The following POLR3B variants were observed in gnomAD, a reference collection of about 807,000 sequenced individuals.
POLR3B encodes RNA polymerase III subunit B.
Under a neutral mutation model 147.4 loss-of-function variants are expected in POLR3B, and 96 were observed. The observed-to-expected ratio is 0.65, with a 90% CI of 0.55 to 0.77. POLR3B has a LOEUF of 0.77. POLR3B is among the 30% of genes least tolerant of loss of function. The pLI, the probability that POLR3B is intolerant of heterozygous loss-of-function variation, is 0.00. For missense variants in POLR3B, 1,036 were observed against 1,413.5 expected, an observed-to-expected ratio of 0.73 and a Z score of 4.28; for synonymous variants, 461 against 485.9, an observed-to-expected ratio of 0.95 and a Z score of 0.67.
At chr12:106,389,216 G>A (rs1203911960) in intron 9 of POLR3B, among the ~76,000 whole-genome samples, 2 of 152,200 alleles carry the variant, frequency 1.3e-5, no homozygotes, top group African/African-American at 2.4e-5. Context: ...CATAAAGTCA[G>A]TTCGGTCTTT....
rs1165956966 is a variant in POLR3B at position 106,426,838 on chromosome 12, G to A, written c.1102-359G>A. Among the ~76,000 whole-genome samples, 7 of 11,752 alleles carry A rather than the reference G, an allele frequency of 6.0e-4. No homozygotes were observed. In the South Asian group the frequency reaches 0.017, roughly 29 times the overall value. The allele number at this position is 11,752 out of a possible 152,430, so 7.7% of individuals were successfully genotyped here. A position where few individuals can be genotyped will look rare whatever the true frequency, so the allele number is the denominator to read the frequency against. On this transcript the variant is annotated intron_variant, in intron 12 of 27. Coordinates refer to ENST00000228347, the MANE Select transcript of POLR3B (RefSeq NM_018082.6). ...TTTATAATGGTAATTCTTCTCCACC[G>A]TCCCCCCCCCCCCCCCCCGTCCTTT...
intron 12 of POLR3B, among the ~76,000 whole-genome samples, chr12:106,423,230 G>T (rs1465155630): frequency 6.6e-6 from 1 of 152,012 alleles, no homozygotes; most frequent in Non-Finnish European, 1.5e-5. Context: ...AAATTATGTT[G>T]TTTAAACAAA....
In POLR3B at chr12:106,433,700, G is replaced by T; in HGVS notation, c.1628-19G>T. 1 of 1,607,408 alleles carries T rather than the reference G, an allele frequency of 6.2e-7. No individual in the cohort carries two copies. The highest frequency in any genetic ancestry group is 1.1e-5 in the South Asian group (1 of 90,500). On this transcript the variant is annotated intron_variant, in intron 15 of 27. Transcript: ENST00000228347. Reference sequence around the variant, plus strand: ...TTTATTTTTTATTTCTGTCTTACCTGTTCTTTCTTTTTGCCTAGGTAACAT... The same window carrying T: ...TTTATTTTTTATTTCTGTCTTACCTTTTCTTTCTTTTTGCCTAGGTAACAT...
intron 10 of POLR3B, among the ~76,000 whole-genome samples, chr12:106,399,980 A>G (rs921209810): frequency 6.6e-6 from 1 of 152,204 alleles, no homozygotes; most frequent in East Asian, 1.9e-4. Context: ...TTCACACATA[A>G]CGATATTAAC....
intron 20 of POLR3B, among the ~76,000 whole-genome samples, chr12:106,455,260 G>A (rs1437030758): frequency 6.6e-6 from 1 of 152,062 alleles, no homozygotes; most frequent in Non-Finnish European, 1.5e-5. Flanking sequence ...ACCACCTCGT[G>A]GTTTGTTAGA....
intron 25 of POLR3B, among the ~76,000 whole-genome samples, chr12:106,499,401 G>A (rs1592779153): frequency 6.6e-6 from 1 of 152,306 alleles, no homozygotes; most frequent in East Asian, 1.9e-4. Flanking sequence ...CCCCCAGCCA[G>A]AGTTTTCCTT....
chr12:106,437,227 C>A, intron 17 of POLR3B, 96 bp downstream of exon 17: 1 of 909,296 alleles, frequency 1.1e-6, no homozygotes, highest in Non-Finnish European at 1.8e-6. Context: ...AATTTCTTTC[C>A]ACCAAATTAC....
chr12:106,496,981 A>C (rs2137076401), intron 25 of POLR3B, 63 bp downstream of exon 25: 7 of 1,499,626 alleles, frequency 4.7e-6, no homozygotes, highest in Middle Eastern at 3.4e-4. Context: ...GGGGAGACAA[A>C]GCCTTAAGGT....
chr12:106,500,279 C>T lies in POLR3B; in HGVS notation c.2985-1044C>T, dbSNP rs147494424. On this transcript the variant is annotated intron_variant, in intron 25 of 27. Transcript: ENST00000228347. The stretch of plus-strand genomic sequence containing the variant: ...CCAGATTAATGAGAAAAGGTTTCTT[C>T]TGTCAAAGTACTTATATATTCACCC... 61 of 414,286 alleles carry T rather than the reference C, an allele frequency of 1.5e-4. No homozygotes were observed. In the East Asian group the frequency reaches 4.1e-3, roughly 28 times the overall value. The allele number at this position is 414,286 out of a possible 1,614,324, so 25.7% of individuals were successfully genotyped here. A position where few individuals can be genotyped will look rare whatever the true frequency, so the allele number is the denominator to read the frequency against.
At chr12:106,481,363 G>A (rs974588857) in intron 23 of POLR3B, among the ~76,000 whole-genome samples, 2 of 152,220 alleles carry the variant, frequency 1.3e-5, no homozygotes, top group Non-Finnish European at 2.9e-5. Context: ...GACACATTTT[G>A]AAAGTAGAGC....
At chr12:106,386,271 A>G (rs1177832055) in intron 9 of POLR3B, among the ~76,000 whole-genome samples, 1 of 150,816 alleles carries the variant, frequency 6.6e-6, no homozygotes, top group African/African-American at 2.5e-5. Flanking sequence ...TGAACCCAGG[A>G]GGCAGAGGTT....
At chr12:106,496,246 AC>A in intron 24 of POLR3B, 88 bp downstream of exon 24, 1 of 855,522 alleles carries the variant, frequency 1.2e-6, no homozygotes, top group African/African-American at 1.6e-5. Context: ...GGTGACGAGG[AC>A]TCTGAAGCTG....
At position 106,504,835 on chromosome 12, in the gene POLR3B, G is replaced by A. The variant is rs569798611; in HGVS notation, c.3272+581G>A. On this transcript the variant is annotated intron_variant, in intron 27 of 27. Coordinates refer to ENST00000228347, the MANE Select transcript of POLR3B (RefSeq NM_018082.6). This position sits in a 1 kb window ranked among gnomAD's most constrained non-coding sequence, Gnocchi z 4.6. ...TCTCAGTAATTTATTCAGCAAACAT[G>A]TAGTAAGTATCTGCTAAGTGTCAGA... is the stretch of plus-strand genomic sequence containing the variant. Among the ~76,000 whole-genome samples, 14 of 152,200 alleles carry A rather than the reference G, an allele frequency of 9.2e-5. No homozygotes were observed. The highest frequency in any genetic ancestry group is 1.9e-4 in the Non-Finnish European group (13 of 68,030).
At chr12:106,418,152 G>A (rs1478412495) in intron 12 of POLR3B, among the ~76,000 whole-genome samples, 1 of 152,126 alleles carries the variant, frequency 6.6e-6, no homozygotes, top group Admixed American at 6.5e-5. Context: ...CAGGCCAGCC[G>A]CCAGTAGAGG....
intron 13 of POLR3B, among the ~76,000 whole-genome samples, chr12:106,430,031 G>C (rs1410369969): frequency 6.6e-6 from 1 of 152,178 alleles, no homozygotes; most frequent in African/African-American, 2.4e-5. Context: ...GTAAGGTTAT[G>C]CGTCGAATAA....
chr12:106,478,202 C>T (rs796087361), intron 23 of POLR3B, among the ~76,000 whole-genome samples: 5 of 152,002 alleles, frequency 3.3e-5, no homozygotes, highest in South Asian at 4.1e-4. Flanking sequence ...CCACCATGCC[C>T]GGCCAAAGCA....
chr12:106,448,229 G>C (rs2037747977), intron 19 of POLR3B, among the ~76,000 whole-genome samples: 1 of 151,924 alleles, frequency 6.6e-6, no homozygotes, highest in Non-Finnish European at 1.5e-5. Context: ...AGACTAGAAT[G>C]TTAGCGATGA....
chr12:106,379,966 T>A, intron 8 of POLR3B, 65 bp from the exon 9 acceptor site: 1 of 861,780 alleles, frequency 1.2e-6, no homozygotes, highest in Middle Eastern at 2.2e-4. Context: ...TCATTGCTAT[T>A]ATTGCATGTT....
rs548861789 is a variant in POLR3B at position 106,492,665 on chromosome 12, A to G, written c.2714-3390A>G. On this transcript the variant is annotated intron_variant, in intron 23 of 27. Coordinates refer to ENST00000228347, the MANE Select transcript of POLR3B (RefSeq NM_018082.6). ...TGAAGCCTTGGAAATAGAAATAACA[A>G]ATTGGTGTAGGAGCCAGCAGTGTCT... Among the ~76,000 whole-genome samples, 4 of 152,252 alleles carry G rather than the reference A, an allele frequency of 2.6e-5. No homozygotes were observed. In the East Asian group the frequency reaches 7.7e-4, roughly 29 times the overall value.
Sources: allele counts gnomAD v4.1 joint callset (sites outside exome capture counted in the v4.1 genomes callset), GRCh38; gene constraint gnomAD v4.1.1; non-coding constraint Gnocchi (gnomAD v3.1); transcripts MANE v1.5; gene names NCBI Gene and HGNC (gene_info 2026-07-23, HGNC 2026-07-21).